MPG: variants seen among roughly 807,000 people sequenced by gnomAD.
The protein encoded by MPG is DNA-3-methyladenine glycosylase.
MPG carries 33 observed loss-of-function variants against 31.7 expected under a neutral mutation model. The observed-to-expected ratio is 1.04, with a 90% CI of 0.79 to 1.39. MPG has a LOEUF of 1.39. Among genes scored for constraint, MPG ranks in the 40% most tolerant of loss-of-function variants. The pLI is 0.00. For synonymous variants in MPG, 202 were observed against 169.2 expected (o/e 1.19, Z -1.51); for missense variants, 455 against 415.5 (o/e 1.10, Z -0.83).
At chr16:80,237 G>A (rs1596484484) in intron 2 of MPG, among the ~76,000 whole-genome samples, 1 of 152,250 alleles carries the variant, frequency 6.6e-6, no homozygotes, top group African/African-American at 2.4e-5. Flanking sequence ...TCACACAGCC[G>A]TGGCATCTTG....
chr16:79,399 C>CTTAT (rs560790422), intron 1 of MPG, 26 bp from the exon 2 acceptor site: 4 of 1,613,602 alleles, frequency 2.5e-6, no homozygotes, highest in Non-Finnish European at 3.4e-6. Context: ...TATTCGGATG[C>CTTAT]TTATTTATTT....
chr16:81,309 AT>A (rs1160401380), intron 2 of MPG, among the ~76,000 whole-genome samples: 1 of 152,138 alleles, frequency 6.6e-6, no homozygotes, highest in African/African-American at 2.4e-5. Context: ...CTGATCAGAA[AT>A]TTGGGATGGA....
At chr16:78,573 G>A (rs1164428917) in intron 1 of MPG, among the ~76,000 whole-genome samples, 2 of 152,224 alleles carry the variant, frequency 1.3e-5, no homozygotes, top group Non-Finnish European at 2.9e-5. Flanking sequence ...AGACGGTCAC[G>A]TCAGCGTCCG....
At position 81,837 on chromosome 16, in the gene MPG, G is replaced by C. The variant is rs71382257; in HGVS notation, c.301-1215G>C. On this transcript the variant is annotated intron_variant, in intron 2 of 3. Transcript: ENST00000356432. ...TTCCCACCACCCTATCTCCGGGAAG[G>C]CCTCCTGAATGCTCCCGGCGCTGAC... 4.1e-4 allele frequency among the ~76,000 whole-genome samples: 31 copies of C among 76,340 alleles called. 1 individual carries two copies. Among genetic ancestry groups the C allele is most frequent in the African/African-American group, 4.5e-4 (7 of 15,516 alleles). 50.1% of individuals were successfully genotyped at this position (76,340 alleles called of 152,430 possible).
Position 85,808 on chromosome 16 carries a change from AT to A in MPG, c.*33del, listed in dbSNP as rs751388589. On this transcript the variant is annotated 3_prime_UTR_variant, in exon 4 of 4. Transcript: ENST00000356432. The stretch of plus-strand genomic sequence containing the variant: ...GGGCCTGCCCAGACAAGATTTTTTA[AT>A]TGTTTAAAAACCGAATAAATGTTTT... 1 of 1,457,300 alleles carries A rather than the reference AT, an allele frequency of 6.9e-7. No homozygotes were observed. Among genetic ancestry groups the A allele is most frequent in the African/African-American group, 1.4e-5 (1 of 70,410 alleles). The allele number at this position is 1,457,300 out of a possible 1,614,324, so 90.3% of individuals were successfully genotyped here.
upstream of MPG, among the ~76,000 whole-genome samples, chr16:77,394 C>G (rs1789227357): frequency 6.6e-6 from 1 of 152,190 alleles, no homozygotes; most frequent in Non-Finnish European, 1.5e-5. Context: ...CAAGCACCGT[C>G]CCTGCCCCTC....
chr16:83,169 C>A lies in MPG; in HGVS notation c.418C>A (p.Arg140Ser), dbSNP rs769980826. Reference protein sequence around the residue: ...AHSRGGRQTPRNRGMFMKPGT... With the variant: ...AHSRGGRQTPSNRGMFMKPGT... ...CTCAAGGGGTGGCCGGCAGACCCCC[C>A]GCAACCGAGGCATGTTCATGAAGCC... The change falls in exon 3 of 4, where the codon CGC (arginine) becomes AGC (serine). Residue 140 changes from arginine to serine, a missense_variant. Transcript: ENST00000356432. The A allele has an allele frequency of 1.4e-5, 22 of 1,613,248 alleles. No individual in the cohort carries two copies. Among genetic ancestry groups the A allele is most frequent in the Admixed American group, 1.7e-5 (1 of 60,018 alleles).
chr16:78,405 G>C (rs1898149706), intron 1 of MPG, 72 bp downstream of exon 1: 2 of 1,144,046 alleles, frequency 1.7e-6, no homozygotes, highest in Admixed American at 4.6e-5. Flanking sequence ...GCGCGGCCGC[G>C]GGAGCGGGAG....
At chr16:81,609 G>C (rs1473635953) in intron 2 of MPG, among the ~76,000 whole-genome samples, 28 of 140,406 alleles carry the variant, frequency 2.0e-4, no homozygotes, top group East Asian at 6.5e-4. Context: ...CTCCAGGAAG[G>C]CCTCCTGAAT....
At position 79,669 on chromosome 16, in the gene MPG, C is replaced by T. The variant is rs1361044241; in HGVS notation, c.269C>T (p.Ala90Val). The stretch of plus-strand genomic sequence containing the variant: ...GGGTTGGAGTTCTTCGACCAGCCGG[C>T]AGTCCCCCTGGCCCGGGCATTTCTG... ...RLGLEFFDQPAVPLARAFLGQ... is the reference protein window; with the variant it reads ...RLGLEFFDQPVVPLARAFLGQ... Residue 90 changes from alanine (A) to valine (V), a missense_variant, in exon 2 of 4, where the codon GCA becomes GTA. By Grantham distance (64) the Ala-to-Val change is moderately conservative. Coordinates refer to ENST00000356432, the MANE Select transcript of MPG (RefSeq NM_001015052.3). 1.3e-6 allele frequency: 2 copies of T among 1,567,180 alleles called. No homozygotes were observed. Among genetic ancestry groups the T allele is most frequent in the Non-Finnish European group, 1.7e-6 (2 of 1,154,966 alleles).
At chr16:81,404 C>A (rs914250670) in intron 2 of MPG, among the ~76,000 whole-genome samples, 2 of 152,180 alleles carry the variant, frequency 1.3e-5, no homozygotes, top group Admixed American at 1.3e-4. Context: ...CATGGAGGCA[C>A]AGGAGTGTGC....
chr16:82,945 G>GGCGGCTGACACACCCTGA, intron 2 of MPG, 107 bp from the exon 3 acceptor site: 1 of 957,484 alleles, frequency 1.0e-6, no homozygotes, highest in East Asian at 2.5e-5. Context: ...GCTAGACCTG[G>GGCGGCTGACACACCCTGA]GCGGCTGACA....
In MPG at chr16:79,783, A is replaced by G. The variant is rs543690891; in HGVS notation, c.300+83A>G. On this transcript the variant is annotated intron_variant, in intron 2 of 3. Transcript: ENST00000356432. ...TGAACCCCTGTCCGCTGCCTGCTGG[A>G]TTGGCCCTCAGTTAGTCCTCCTTGT... 11 of 1,453,064 alleles carry G rather than the reference A, an allele frequency of 7.6e-6. No homozygotes were observed. The African/African-American group carries it at 1.5e-4, about 20-fold the overall frequency. 90.0% of individuals were successfully genotyped at this position (1,453,064 alleles called of 1,614,324 possible).
At chr16:82,936 C>A in intron 2 of MPG, 116 bp from the exon 3 acceptor site, 8 of 879,648 alleles carry the variant, frequency 9.1e-6, no homozygotes, top group Admixed American at 2.5e-5. Context: ...AGGTCCCTGG[C>A]TAGACCTGGG....
At chr16:83,749 A>G (rs1898326606) in intron 3 of MPG, among the ~76,000 whole-genome samples, 1 of 151,924 alleles carries the variant, frequency 6.6e-6, no homozygotes, top group Non-Finnish European at 1.5e-5. Flanking sequence ...TCAAAAAAAA[A>G]AAAAAAGGAA....
chr16:82,653 T>C (rs1898282116), intron 2 of MPG, among the ~76,000 whole-genome samples: 1 of 152,202 alleles, frequency 6.6e-6, no homozygotes, highest in Non-Finnish European at 1.5e-5. Context: ...GTCCTGTGCC[T>C]TCCGTGATGC....
rs3176422 is a variant in MPG at position 83,709 on chromosome 16, C to G, written c.505+453C>G. Reference sequence around the variant, plus strand: ...GGAGCCAAGATCGCGCCATTGCACTCCAGCCTGGGTGACAGAGCGAGACTC... The same window carrying G: ...GGAGCCAAGATCGCGCCATTGCACTGCAGCCTGGGTGACAGAGCGAGACTC... On this transcript the variant is annotated intron_variant, in intron 3 of 3. Transcript: ENST00000356432. Among the ~76,000 whole-genome samples the G allele has an allele frequency of 8.4e-3, 1,265 of 150,138 alleles. 21 individuals are homozygous for G. The highest frequency in any genetic ancestry group is 0.029 in the African/African-American group (1,193 of 40,902).
At chr16:81,497 T>G (rs1257120250) in intron 2 of MPG, among the ~76,000 whole-genome samples, 1 of 152,124 alleles carries the variant, frequency 6.6e-6, no homozygotes, top group Non-Finnish European at 1.5e-5. Context: ...GGACATGGCC[T>G]GGCCAAGCCT....
intron 1 of MPG, chr16:79,004 A>G: frequency 7.2e-7 from 1 of 1,396,540 alleles, no homozygotes; most frequent in Non-Finnish European, 9.3e-7. Context: ...TGTGTTTTGA[A>G]TTCTGGCAAG....
Sources: gnomAD v4.1 joint callset for allele counts (sites outside exome capture counted in the v4.1 genomes callset) on GRCh38, gnomAD v4.1.1 for gene constraint, MANE v1.5 for transcripts, NCBI Gene and HGNC (gene_info 2026-07-23, HGNC 2026-07-21) for gene names.